The following HUS1B variants were observed in gnomAD, a reference collection of about 807,000 sequenced individuals.
HUS1B encodes checkpoint protein HUS1B.
For synonymous variants in HUS1B, 207 were observed against 176.2 expected, an observed-to-expected ratio of 1.17 and a Z score of -1.38; for missense variants, 475 against 390.4, an observed-to-expected ratio of 1.22 and a Z score of -1.83.
In HUS1B at chr6:657,005, C is replaced by G. The variant is rs1284184529; in HGVS notation, c.-61G>C. 59 of 1,376,870 alleles carry G rather than the reference C, an allele frequency of 4.3e-5. No individual in the cohort carries two copies. Among genetic ancestry groups the G allele is most frequent in the Non-Finnish European group, 5.8e-5 (59 of 1,024,618 alleles). 85.3% of individuals were successfully genotyped at this position (1,376,870 alleles called of 1,614,324 possible). On this transcript the variant is annotated 5_prime_UTR_variant, in exon 1 of 1. Coordinates refer to ENST00000380907, the MANE Select transcript of HUS1B (RefSeq NM_148959.4). ...GGGATTCCGCGTGCCACAAGCCCTTCCGGTCCGCTGGGGTCCGTGGCGCTG... is the reference window on the plus strand; with the variant it reads ...GGGATTCCGCGTGCCACAAGCCCTTGCGGTCCGCTGGGGTCCGTGGCGCTG...
chr6:655,963 A>G lies in HUS1B; in HGVS notation c.*145T>C. The G allele has an allele frequency of 1.6e-6, 1 of 621,824 alleles. No homozygotes were observed. The highest frequency in any genetic ancestry group is 2.7e-5 in the East Asian group (1 of 37,728). 38.5% of individuals were successfully genotyped at this position (621,824 alleles called of 1,614,324 possible). ...CTGTTTTACCAATGCTTTAATATAA[A>G]TTTTGCAAAGGAGGAAGGGCTCAAC... On this transcript the variant is annotated 3_prime_UTR_variant, in exon 1 of 1. Transcript: ENST00000380907.
In HUS1B at chr6:656,962, A is replaced by C. The variant is rs1746127644; in HGVS notation, c.-18T>G. 6.6e-7 allele frequency: 1 copy of C among 1,504,050 alleles called. No homozygotes were observed. Among genetic ancestry groups the C allele is most frequent in the Non-Finnish European group, 8.9e-7 (1 of 1,121,002 alleles). The allele number at this position is 1,504,050 out of a possible 1,614,324, so 93.2% of individuals were successfully genotyped here. On this transcript the variant is annotated 5_prime_UTR_variant, in exon 1 of 1. Coordinates refer to ENST00000380907, the MANE Select transcript of HUS1B (RefSeq NM_148959.4). ...AACTTCATGATGCCACAGGGAAGGC[A>C]GCTGGGGGCCTCTGAGGGGGATTCC...
the HUS1B span, chr6:656,332 T>A: frequency 2.5e-6 from 4 of 1,614,158 alleles, no homozygotes; most frequent in Non-Finnish European, 3.4e-6. Context: ...CCAAGATTTT[T>A]AAAATAACTT....
In HUS1B at chr6:656,198, C is replaced by A. The variant is rs1763072302; in HGVS notation, c.747G>T (p.Thr249=). The part of the protein sequence containing the change: ...FLEGQQIHPT[T]ALCNIWDNTL... Reference sequence around the variant, plus strand: ...TATTGTCCCAAATATTGCACAGGGCCGTCGTAGGATGTATTTGCTGTCCCT... The same window carrying A: ...TATTGTCCCAAATATTGCACAGGGCAGTCGTAGGATGTATTTGCTGTCCCT... Residue 249 remains threonine (T), a synonymous_variant, in exon 1 of 1, where the codon ACG becomes ACT. Coordinates refer to ENST00000380907, the MANE Select transcript of HUS1B (RefSeq NM_148959.4). The A allele has an allele frequency of 1.6e-5, 26 of 1,614,128 alleles. No individual in the cohort carries two copies. The highest frequency in any genetic ancestry group is 2.2e-5 in the Non-Finnish European group (26 of 1,180,004).
rs1195721255 is a variant in HUS1B at position 656,843 on chromosome 6, C to G, written c.102G>C (p.Val34=). The change falls in exon 1 of 1, where the codon GTG becomes GTC. Residue 34 remains valine (V), a synonymous_variant. Coordinates refer to ENST00000380907, the MANE Select transcript of HUS1B (RefSeq NM_148959.4). ...ARLAKVCVLR[V]RPDSLCFGPA... ...GGCCGAAGCACAGGCTGTCAGGGCG[C>G]ACGCGGAGCACGCAGACCTTCGCTA... 6.2e-7 allele frequency: 1 copy of G among 1,610,690 alleles called. No individual in the cohort carries two copies. The highest frequency in any genetic ancestry group is 8.5e-7 in the Non-Finnish European group (1 of 1,178,030).
chr6:656,271 C>G lies in HUS1B; in HGVS notation c.674G>C (p.Ser225Thr), dbSNP rs762857124. ...VGVPENRDLE[S>T]MVQVRVDNRK... is the part of the protein sequence containing the mutation. ...ATTGTCCACCCGCACTTGCACCATG[C>G]TCTCCAGGTCTCTGTTTTCAGGCAC... is the stretch of plus-strand genomic sequence containing the variant. Residue 225 changes from serine (S) to threonine (T), a missense_variant, in exon 1 of 1, where the codon AGC becomes ACC. Coordinates refer to ENST00000380907, the MANE Select transcript of HUS1B (RefSeq NM_148959.4). The G allele has an allele frequency of 6.2e-7, 1 of 1,614,226 alleles. No individual in the cohort carries two copies. The highest frequency in any genetic ancestry group is 2.2e-5 in the East Asian group (1 of 44,882).
chr6:656,780 C>A lies in HUS1B; in HGVS notation c.165G>T (p.Trp55Cys). ...GGAAGGCCCCCTGCCGCACCTCGCA[C>A]CACAGCCTGGCCTCGTGGAGGCCGC... The part of the protein sequence containing the change: ...GSGGLHEARL[W>C]CEVRQGAFQQ... Residue 55 changes from tryptophan (W) to cysteine (C), a missense_variant, in exon 1 of 1, where the codon TGG becomes TGT. By Grantham distance (215) the Trp-to-Cys change is radical (BLOSUM62 -2). Coordinates refer to ENST00000380907, the MANE Select transcript of HUS1B (RefSeq NM_148959.4). 1.9e-6 allele frequency: 3 copies of A among 1,600,176 alleles called. No homozygotes were observed. The highest frequency in any genetic ancestry group is 2.6e-6 in the Non-Finnish European group (3 of 1,171,870).
rs776054397 is a variant in HUS1B at position 656,502 on chromosome 6, G to A, written c.443C>T (p.Pro148Leu). The A allele has an allele frequency of 6.2e-7, 1 of 1,606,516 alleles. No individual in the cohort carries two copies. The highest frequency in any genetic ancestry group is 1.7e-5 in the Admixed American group (1 of 59,906). The change falls in exon 1 of 1, where the codon CCC (proline) becomes CTC (leucine). Residue 148 changes from proline to leucine, a missense_variant. Physicochemically the swap from Pro to Leu is moderately conservative, Grantham distance 98. Transcript: ENST00000380907. The part of the protein sequence containing the change: ...PRRVWRDCLP[P>L]SLRASDASIR... ...GCTCGCGTCGGAGGCGCGCAGGCTG[G>A]GCGGCAGGCAGTCCCGCCACACTCT...
Position 656,418 on chromosome 6 carries a change from C to A in HUS1B, c.527G>T (p.Gly176Val). 6.2e-7 allele frequency: 1 copy of A among 1,614,034 alleles called. No homozygotes were observed. The highest frequency in any genetic ancestry group is 2.2e-5 in the East Asian group (1 of 44,874). ...RSIVERMANV[G>V]SHVLVEANLS... The stretch of plus-strand genomic sequence containing the variant: ...GTTTGCTTCCACCAGCACGTGACTG[C>A]CCACGTTCGCCATCCTCTCCACGAT... The change falls in exon 1 of 1, where the codon GGC (glycine) becomes GTC (valine). Residue 176 changes from glycine (G) to valine (V), a missense_variant. Coordinates refer to ENST00000380907, the MANE Select transcript of HUS1B (RefSeq NM_148959.4).
rs901604805 is a variant in HUS1B at position 656,450 on chromosome 6, C to T, written c.495G>A (p.Leu165=). 6.2e-6 allele frequency: 10 copies of T among 1,612,990 alleles called. No homozygotes were observed. Among genetic ancestry groups the T allele is most frequent in the Non-Finnish European group, 6.8e-6 (8 of 1,179,432 alleles). Residue 165 remains leucine (L), a synonymous_variant, in exon 1 of 1, where the codon CTG becomes CTA. Transcript: ENST00000380907. ...TCGCCATCCTCTCCACGATGCTCCTCAGCGTCCTCCAGCGCGGCAGGCGGA... is the reference window on the plus strand; with the variant it reads ...TCGCCATCCTCTCCACGATGCTCCTTAGCGTCCTCCAGCGCGGCAGGCGGA... The part of the protein sequence containing the change: ...ASIRLPRWRT[L]RSIVERMANV...
chr6:656,006 TA>T lies in HUS1B; in HGVS notation c.*101del. 1 of 813,126 alleles carries T rather than the reference TA, an allele frequency of 1.2e-6. No individual in the cohort carries two copies. The highest frequency in any genetic ancestry group is 2.0e-6 in the Non-Finnish European group (1 of 498,112). The allele number at this position is 813,126 out of a possible 1,614,324, so 50.4% of individuals were successfully genotyped here. A position where few individuals can be genotyped will look rare whatever the true frequency, so the allele number is the denominator to read the frequency against. ...GGCTCAACAAAATATACGCCCTGCA[TA>T]AGTCAGTGAAGGTCCAAATTTTCAA... On this transcript the variant is annotated 3_prime_UTR_variant, in exon 1 of 1. Coordinates refer to ENST00000380907, the MANE Select transcript of HUS1B (RefSeq NM_148959.4).
At chr6:656,285 G>GTT in the HUS1B span, 27 of 1,614,072 alleles carry the variant, frequency 1.7e-5, no homozygotes, top group Non-Finnish European at 2.3e-5. Flanking sequence ...CCAGGTCTCT[G>GTT]TTTTCAGGCA....
In HUS1B at chr6:656,505, G is replaced by A. The variant is rs771421496; in HGVS notation, c.440C>T (p.Pro147Leu). 5.6e-6 allele frequency: 9 copies of A among 1,605,774 alleles called. No homozygotes were observed. Among genetic ancestry groups the A allele is most frequent in the African/African-American group, 2.7e-5 (2 of 74,874 alleles). The change falls in exon 1 of 1, where the codon CCG becomes CTG. Residue 147 changes from proline to leucine, a missense_variant. Physicochemically the swap from Pro to Leu is moderately conservative, Grantham distance 98. Coordinates refer to ENST00000380907, the MANE Select transcript of HUS1B (RefSeq NM_148959.4). ...LPRRVWRDCL[P>L]PSLRASDASI... ...CGCGTCGGAGGCGCGCAGGCTGGGCGGCAGGCAGTCCCGCCACACTCTCCT... is the reference window on the plus strand; with the variant it reads ...CGCGTCGGAGGCGCGCAGGCTGGGCAGCAGGCAGTCCCGCCACACTCTCCT...
chr6:656,339 A>C lies in HUS1B; in HGVS notation c.606T>G (p.Ser202Arg), dbSNP rs1304799633. 1 of 1,614,194 alleles carries C rather than the reference A, an allele frequency of 6.2e-7. No individual in the cohort carries two copies. The highest frequency in any genetic ancestry group is 8.5e-7 in the Non-Finnish European group (1 of 1,180,030). ...SIETEVVSIQ[S>R]YFKNLGNPPQ... ...GAGGGTTTCCAAGATTTTTAAAATAACTTTGAATGGACACCACCTCCGTCT... is the reference window on the plus strand; with the variant it reads ...GAGGGTTTCCAAGATTTTTAAAATACCTTTGAATGGACACCACCTCCGTCT... Residue 202 changes from serine (S) to arginine (R), a missense_variant, in exon 1 of 1, where the codon AGT (serine) becomes AGG (arginine). Ser to Arg is a moderately radical substitution (Grantham distance 110). Coordinates refer to ENST00000380907, the MANE Select transcript of HUS1B (RefSeq NM_148959.4).
At position 656,999 on chromosome 6, in the gene HUS1B, G is replaced by A. The variant is rs1056757873; in HGVS notation, c.-55C>T. 2.1e-5 allele frequency: 30 copies of A among 1,406,534 alleles called. No individual in the cohort carries two copies. Among genetic ancestry groups the A allele is most frequent in the Non-Finnish European group, 2.7e-5 (28 of 1,047,518 alleles). The allele number at this position is 1,406,534 out of a possible 1,614,324, so 87.1% of individuals were successfully genotyped here. ...CTGAGGGGGATTCCGCGTGCCACAA[G>A]CCCTTCCGGTCCGCTGGGGTCCGTG... On this transcript the variant is annotated 5_prime_UTR_variant, in exon 1 of 1. Coordinates refer to ENST00000380907, the MANE Select transcript of HUS1B (RefSeq NM_148959.4).
chr6:656,299 C>T lies in HUS1B; in HGVS notation c.646G>A (p.Gly216Ser). 2 of 1,614,206 alleles carry T rather than the reference C, an allele frequency of 1.2e-6. No homozygotes were observed. The highest frequency in any genetic ancestry group is 1.7e-6 in the Non-Finnish European group (2 of 1,180,046). ...NLGNPPQSAVGVPENRDLESM... is the reference protein window; with the variant it reads ...NLGNPPQSAVSVPENRDLESM... Reference sequence around the variant, plus strand: ...TCCAGGTCTCTGTTTTCAGGCACACCCACAGCCGACTGGGGAGGGTTTCCA... The same window carrying T: ...TCCAGGTCTCTGTTTTCAGGCACACTCACAGCCGACTGGGGAGGGTTTCCA... The change falls in exon 1 of 1, where the codon GGT (glycine) becomes AGT (serine). Residue 216 changes from glycine (G) to serine (S), a missense_variant. Gly to Ser is a moderately conservative substitution (Grantham distance 56, BLOSUM62 0). Coordinates refer to ENST00000380907, the MANE Select transcript of HUS1B (RefSeq NM_148959.4).
In HUS1B at chr6:656,806, C is replaced by T. The variant is rs749499481; in HGVS notation, c.139G>A (p.Gly47Ser). 5 of 1,606,374 alleles carry T rather than the reference C, an allele frequency of 3.1e-6. No individual in the cohort carries two copies. Among genetic ancestry groups the T allele is most frequent in the African/African-American group, 2.7e-5 (2 of 74,684 alleles). ...DSLCFGPAGS[G>S]GLHEARLWCE... ...CACAGCCTGGCCTCGTGGAGGCCGC[C>T]GGAACCCGCGGGGCCGAAGCACAGG... Residue 47 changes from glycine (G) to serine (S), a missense_variant, in exon 1 of 1, where the codon GGC becomes AGC. Physicochemically the swap from Gly to Ser is moderately conservative, Grantham distance 56. Coordinates refer to ENST00000380907, the MANE Select transcript of HUS1B (RefSeq NM_148959.4).
Position 657,088 on chromosome 6 carries a change from G to A in HUS1B, c.-144C>T, listed in dbSNP as rs562310584. 174 of 647,178 alleles carry A rather than the reference G, an allele frequency of 2.7e-4. 1 individual carries two copies. In the African/African-American group the frequency reaches 3.1e-3, roughly 11 times the overall value. The allele number at this position is 647,178 out of a possible 1,614,324, so 40.1% of individuals were successfully genotyped here. Reference sequence around the variant, plus strand: ...GGCAGGCACTCGGGTTCCCGGTTGCGGTTGCGGGTTCTGTTGTGGGTTCCG... The same window carrying A: ...GGCAGGCACTCGGGTTCCCGGTTGCAGTTGCGGGTTCTGTTGTGGGTTCCG... On this transcript the variant is annotated 5_prime_UTR_variant, in exon 1 of 1. Transcript: ENST00000380907.
chr6:656,129 C>G lies in HUS1B; in HGVS notation c.816G>C (p.Gln272His). The change falls in exon 1 of 1, where the codon CAG (glutamine) becomes CAC (histidine). Residue 272 changes from glutamine (Q) to histidine (H), a missense_variant. By Grantham distance (24) the Gln-to-His change is conservative. Transcript: ENST00000380907. Reference sequence around the variant, plus strand: ...ATTTTTACAAGGCAGGAATGAAATACTGAAGAGAGACATCTTCTTGAACCA... The same window carrying G: ...ATTTTTACAAGGCAGGAATGAAATAGTGAAGAGAGACATCTTCTTGAACCA... ...LVLVQEDVSL[Q>H]YFIPAL 2 of 1,610,576 alleles carry G rather than the reference C, an allele frequency of 1.2e-6. No individual in the cohort carries two copies. Among genetic ancestry groups the G allele is most frequent in the East Asian group, 4.5e-5 (2 of 44,844 alleles).
Sources: allele counts gnomAD v4.1 joint callset, GRCh38; gene constraint gnomAD v4.1.1; transcripts MANE v1.5; gene names NCBI Gene and HGNC (gene_info 2026-07-23, HGNC 2026-07-21).